Variants in HS6ST3 observed in about 807,000 individuals in gnomAD.
HS6ST3 encodes the protein heparan-sulfate 6-O-sulfotransferase 3.
HS6ST3 carries 12 observed loss-of-function variants against 36.7 expected under a neutral mutation model. The ratio of observed to expected loss-of-function variants is 0.33; its 90% CI spans 0.21 to 0.53. The LOEUF is 0.53. Among genes scored for constraint, HS6ST3 ranks in the 20% least tolerant of loss-of-function variants. The pLI, the probability that HS6ST3 is intolerant of heterozygous loss-of-function variation, is 0.95. For missense variants in HS6ST3, 584 were observed against 640.9 expected (o/e 0.91, Z 0.96); for synonymous variants, 240 against 257.5 (o/e 0.93, Z 0.65).
intron 1 of HS6ST3, among the ~76,000 whole-genome samples, chr13:96,759,686 T>C (rs1458074836): frequency 1.3e-5 from 2 of 152,020 alleles, no homozygotes. Context: ...GTAAGTGGCT[T>C]TTTAAAGAAA....
chr13:96,560,538 A>G (rs2138954914), intron 1 of HS6ST3, among the ~76,000 whole-genome samples: 1 of 152,332 alleles, frequency 6.6e-6, no homozygotes, highest in South Asian at 2.1e-4. Flanking sequence ...ATCAGGCAAG[A>G]GAAAGAAGTA....
intron 1 of HS6ST3, 39 bp from the exon 2 acceptor site, chr13:96,832,451 G>A: frequency 1.4e-6 from 2 of 1,445,296 alleles, no homozygotes; most frequent in Non-Finnish European, 9.3e-7. Context: ...TCCTGTTAGA[G>A]TTGTCAACTA....
At chr13:96,574,082 G>A in intron 1 of HS6ST3, 2 of 541,734 alleles carry the variant, frequency 3.7e-6, no homozygotes, top group South Asian at 2.8e-5. Context: ...TGGCTGCATT[G>A]GGACCTTCTC....
chr13:96,290,575 G>C (rs570741023), intron 1 of HS6ST3, among the ~76,000 whole-genome samples: 5 of 152,020 alleles, frequency 3.3e-5, no homozygotes, highest in African/African-American at 7.2e-5. Flanking sequence ...CACTGCTCTG[G>C]TCAAAGCTAC....
chr13:96,279,433 C>T (rs922733270), intron 1 of HS6ST3, among the ~76,000 whole-genome samples: 5 of 152,066 alleles, frequency 3.3e-5, no homozygotes, highest in African/African-American at 7.2e-5. Flanking sequence ...AGAATATAGA[C>T]GTTAAACAAA....
chr13:96,198,700 A>C (rs1255727948), intron 1 of HS6ST3, among the ~76,000 whole-genome samples: 1 of 152,124 alleles, frequency 6.6e-6, no homozygotes, highest in Non-Finnish European at 1.5e-5. Context: ...TCTGAGACCA[A>C]CTCAGCCTGG....
At chr13:96,808,432 C>T (rs553335966) in intron 1 of HS6ST3, among the ~76,000 whole-genome samples, 1 of 152,200 alleles carries the variant, frequency 6.6e-6, no homozygotes, top group Admixed American at 6.5e-5. Context: ...CAGCAACGTT[C>T]GAATTGACTG....
At chr13:96,791,421 T>A (rs1594860946) in intron 1 of HS6ST3, among the ~76,000 whole-genome samples, 1 of 152,124 alleles carries the variant, frequency 6.6e-6, no homozygotes. Flanking sequence ...CAGCAGATAT[T>A]ATTTGTTGGT....
At chr13:96,670,924 C>T (rs2056680691) in intron 1 of HS6ST3, among the ~76,000 whole-genome samples, 2 of 152,122 alleles carry the variant, frequency 1.3e-5, no homozygotes, top group Admixed American at 6.5e-5. Context: ...TGATATTCCC[C>T]TCTGGCTGCT....
intron 1 of HS6ST3, among the ~76,000 whole-genome samples, chr13:96,377,572 A>G (rs1482830924): frequency 6.6e-6 from 1 of 152,190 alleles, no homozygotes; most frequent in African/African-American, 2.4e-5. Flanking sequence ...AAGCAGTAGT[A>G]TTGAGATTTT....
intron 1 of HS6ST3, among the ~76,000 whole-genome samples, chr13:96,182,930 A>G (rs778158696): frequency 6.6e-6 from 1 of 152,148 alleles, no homozygotes; most frequent in African/African-American, 2.4e-5. Flanking sequence ...TCTTTGTCCA[A>G]GTATTTGGAG....
intron 1 of HS6ST3, among the ~76,000 whole-genome samples, chr13:96,819,733 T>C (rs1311720675): frequency 6.6e-6 from 1 of 152,164 alleles, no homozygotes; most frequent in Non-Finnish European, 1.5e-5. Flanking sequence ...CCAGCTCTAC[T>C]ACTTTTTACT....
intron 1 of HS6ST3, among the ~76,000 whole-genome samples, chr13:96,602,258 C>G (rs988781622): frequency 2.0e-5 from 3 of 152,146 alleles, no homozygotes; most frequent in Non-Finnish European, 4.4e-5. Flanking sequence ...AATTCTTTAT[C>G]AGGCAGTATA....
rs755206330 is a variant in HS6ST3, at chr13:96,091,177, G to A, written c.315G>A (p.Glu105=). The A allele has an allele frequency of 1.9e-6, 3 of 1,550,646 alleles. No individual in the cohort carries two copies. In the South Asian group the frequency reaches 3.6e-5, roughly 18 times the overall value. Residue 105 remains glutamate (E), a synonymous_variant, in exon 1 of 2, where the codon GAG becomes GAA. Transcript: ENST00000376705. ...PGDPREGEEE[E]EEDEPDPEAP... ...ACCCCCGGGAGGGGGAGGAAGAGGA[G>A]GAGGAAGACGAGCCGGACCCCGAGG...
At chr13:96,768,500 C>G (rs537066529) in intron 1 of HS6ST3, among the ~76,000 whole-genome samples, 2 of 152,138 alleles carry the variant, frequency 1.3e-5, no homozygotes, top group African/African-American at 4.8e-5. Flanking sequence ...TCCTCAGACA[C>G]AGTTGTTAGG....
At chr13:96,230,969 G>C (rs886291868) in intron 1 of HS6ST3, among the ~76,000 whole-genome samples, 2 of 138,726 alleles carry the variant, frequency 1.4e-5, no homozygotes, top group African/African-American at 5.4e-5. Context: ...TGAGGATTAA[G>C]AAGTTAAGGC....
At chr13:96,802,522 T>G (rs1273054184) in intron 1 of HS6ST3, among the ~76,000 whole-genome samples, 1 of 152,198 alleles carries the variant, frequency 6.6e-6, no homozygotes, top group Non-Finnish European at 1.5e-5. Flanking sequence ...GCCTTAAACA[T>G]GCATCCTGTG....
intron 1 of HS6ST3, among the ~76,000 whole-genome samples, chr13:96,223,901 A>T (rs914546679): frequency 2.6e-5 from 4 of 152,030 alleles, no homozygotes; most frequent in South Asian, 2.1e-4. Context: ...TTTCTTCCAG[A>T]TGGCAGCTAG....
intron 1 of HS6ST3, among the ~76,000 whole-genome samples, chr13:96,362,476 G>A (rs1185906708): frequency 6.6e-6 from 1 of 152,070 alleles, no homozygotes; most frequent in Non-Finnish European, 1.5e-5. Context: ...TAAAGTCCGA[G>A]GTAGATATTT....
Sources: gnomAD v4.1 joint callset for allele counts (sites outside exome capture counted in the v4.1 genomes callset) on GRCh38, gnomAD v4.1.1 for gene constraint, MANE v1.5 for transcripts, NCBI Gene and HGNC (gene_info 2026-07-23, HGNC 2026-07-21) for gene names.